The following NF1 variants were observed in gnomAD, a reference collection of about 807,000 sequenced individuals.
NF1 encodes the protein neurofibromin 1, also known as neurofibromin.
A neutral mutation model predicts 325.7 loss-of-function variants in NF1; 122 were observed. The ratio of observed to expected loss-of-function variants is 0.37; its 90% CI spans 0.32 to 0.44. NF1 has a LOEUF of 0.44. Among genes scored for constraint, NF1 ranks in the 20% least tolerant of loss-of-function variants. The pLI is 1.00. For synonymous variants in NF1, 1,091 were observed against 1,186.0 expected (o/e 0.92, Z 1.65); for missense variants, 2,140 against 3,415.4 (o/e 0.63, Z 9.31).
intron 36 of NF1, among the ~76,000 whole-genome samples, chr17:31,267,542 C>T (rs188744192): frequency 2.6e-5 from 4 of 152,256 alleles, no homozygotes; most frequent in African/African-American, 9.6e-5. Context: ...TATATCAGAG[C>T]AGAGCATCCA....
chr17:31,122,568 G>C (rs569829653), intron 1 of NF1, among the ~76,000 whole-genome samples: 1 of 152,190 alleles, frequency 6.6e-6, no homozygotes, highest in African/African-American at 2.4e-5. Context: ...TTGCTTGAAT[G>C]GGTGCTGTTG....
At chr17:31,113,997 A>T (rs957430943) in intron 1 of NF1, among the ~76,000 whole-genome samples, 1 of 152,222 alleles carries the variant, frequency 6.6e-6, no homozygotes, top group Non-Finnish European at 1.5e-5. Flanking sequence ...TATGCCTCAA[A>T]TTCATAGTTC....
intron 57 of NF1, among the ~76,000 whole-genome samples, chr17:31,366,847 T>C (rs1024966190): frequency 5.3e-5 from 8 of 152,204 alleles, no homozygotes; most frequent in African/African-American, 1.9e-4. Context: ...TTACCTGACC[T>C]TTTTTTCTTG....
intron 36 of NF1, among the ~76,000 whole-genome samples, chr17:31,275,038 C>A (rs1265480180): frequency 6.6e-6 from 1 of 152,150 alleles, no homozygotes; most frequent in African/African-American, 2.4e-5. Context: ...CTCTCCAGGC[C>A]TCTTCATGAT....
At chr17:31,136,068 G>A (rs564065170) in intron 1 of NF1, among the ~76,000 whole-genome samples, 13 of 152,040 alleles carry the variant, frequency 8.6e-5, no homozygotes, top group South Asian at 8.3e-4. Context: ...GGTGGCTCAC[G>A]CCTGTAATCC....
chr17:31,165,259 T>C (rs920505616), intron 4 of NF1, among the ~76,000 whole-genome samples: 1 of 152,236 alleles, frequency 6.6e-6, no homozygotes, highest in Non-Finnish European at 1.5e-5. Context: ...TAGTTCACTG[T>C]TGCCAGAATA....
intron 35 of NF1, among the ~76,000 whole-genome samples, chr17:31,263,174 C>T (rs556398414): frequency 3.3e-5 from 5 of 152,046 alleles, no homozygotes; most frequent in Admixed American, 6.6e-5. Flanking sequence ...GGCACAGTGG[C>T]TCATGCCTGT....
intron 25 of NF1, 23 bp downstream of exon 25, chr17:31,232,212 C>G (rs2151433962): frequency 2.0e-6 from 3 of 1,479,154 alleles, no homozygotes; most frequent in Non-Finnish European, 2.8e-6. Flanking sequence ...CACCAAAAAA[C>G]ATAAAGCAAA....
chr17:31,239,823 T>A (rs985389385), intron 29 of NF1, among the ~76,000 whole-genome samples: 6 of 152,146 alleles, frequency 3.9e-5, no homozygotes, highest in Non-Finnish European at 1.5e-5. Flanking sequence ...AATGCAGTGG[T>A]GCTATCTTGG....
At chr17:31,226,917 A>G (rs2067025381) in intron 18 of NF1, among the ~76,000 whole-genome samples, 1 of 152,174 alleles carries the variant, frequency 6.6e-6, no homozygotes, top group Non-Finnish European at 1.5e-5. Flanking sequence ...CTGGCAGTAG[A>G]TGTTACTATC....
chr17:31,351,659 G>A (rs969694387), intron 50 of NF1, among the ~76,000 whole-genome samples: 3 of 152,066 alleles, frequency 2.0e-5, no homozygotes, highest in Non-Finnish European at 2.9e-5. Context: ...CAGGTGATCC[G>A]CCTGCCTCGG....
At chr17:31,243,694 C>A (rs2067343378) in intron 29 of NF1, among the ~76,000 whole-genome samples, 1 of 151,630 alleles carries the variant, frequency 6.6e-6, no homozygotes, top group South Asian at 2.1e-4. Context: ...AGTTCTGAGT[C>A]TCTCCCTTAA....
intron 36 of NF1, chr17:31,295,085 G>A (rs1340698476): frequency 1.2e-6 from 2 of 1,614,004 alleles, no homozygotes; most frequent in African/African-American, 1.3e-5. Flanking sequence ...TGCCACAGAA[G>A]GTAATGGAGT....
chr17:31,296,537 G>A, intron 36 of NF1: 2 of 590,202 alleles, frequency 3.4e-6, no homozygotes, highest in South Asian at 3.8e-5. Flanking sequence ...CTATGTGGTA[G>A]AGAGAGACTC....
At chr17:31,353,401 G>A (rs1336630609) in intron 51 of NF1, among the ~76,000 whole-genome samples, 2 of 152,186 alleles carry the variant, frequency 1.3e-5, no homozygotes, top group African/African-American at 4.8e-5. Flanking sequence ...AGGGACTCAG[G>A]TGGGAGGATT....
chr17:31,105,772 C>T lies in NF1; in HGVS notation c.60+10403C>T, dbSNP rs17883765. On this transcript the variant is annotated intron_variant, in intron 1 of 57. Coordinates refer to ENST00000358273, the MANE Select transcript of NF1 (RefSeq NM_001042492.3). ...CAGGTGATCCTCCTGCCTTGGCCTCCCAAAGTGCTGGGATTACAGGCATGA... is the reference window on the plus strand; with the variant it reads ...CAGGTGATCCTCCTGCCTTGGCCTCTCAAAGTGCTGGGATTACAGGCATGA... Among the ~76,000 whole-genome samples the T allele has an allele frequency of 3.8e-3, 577 of 152,264 alleles. 2 individuals are homozygous for T. The highest frequency in any genetic ancestry group is 5.5e-3 in the Non-Finnish European group (377 of 68,032).
At chr17:31,289,332 T>C (rs2068303329) in intron 36 of NF1, among the ~76,000 whole-genome samples, 2 of 152,204 alleles carry the variant, frequency 1.3e-5, no homozygotes, top group Non-Finnish European at 2.9e-5. Context: ...ATTAAGAGTT[T>C]AGATTTTATT....
chr17:31,239,369 C>A (rs573696180), intron 29 of NF1, among the ~76,000 whole-genome samples: 1 of 151,990 alleles, frequency 6.6e-6, no homozygotes, highest in Non-Finnish European at 1.5e-5. Flanking sequence ...AGAAACTTCC[C>A]AAACTGAAAT....
rs1230004711 is a variant in NF1 at position 31,184,648 on chromosome 17, AAAAAAAAAAAAT to A, written c.888+1995_888+2006del. 6.6e-3 allele frequency among the ~76,000 whole-genome samples: 958 copies of A among 144,798 alleles called. 12 individuals carry two copies. The highest frequency in any genetic ancestry group is 0.023 in the African/African-American group (896 of 39,546). 95.0% of individuals were successfully genotyped at this position (144,798 alleles called of 152,430 possible). On this transcript the variant is annotated intron_variant, in intron 8 of 57. Coordinates refer to ENST00000358273, the MANE Select transcript of NF1 (RefSeq NM_001042492.3). The stretch of plus-strand genomic sequence containing the variant: ...CTGGGCGACAGCGAGACTCCGTCTC[AAAAAAAAAAAAT>A]AAAAAAAAAAAATAAAAAAATAAAA...
Sources: gnomAD v4.1 joint callset for allele counts (sites outside exome capture counted in the v4.1 genomes callset) on GRCh38, gnomAD v4.1.1 for gene constraint, MANE v1.5 for transcripts, NCBI Gene and HGNC (gene_info 2026-07-23, HGNC 2026-07-21) for gene names.